BRCA2: variants seen among roughly 807,000 people sequenced by gnomAD.
The protein encoded by BRCA2 is BRCA2 DNA repair associated.
Under a neutral mutation model 276.7 loss-of-function variants are expected in BRCA2, and 203 were observed. That is an observed-to-expected ratio of 0.73 (90% CI 0.65 to 0.82). BRCA2 has a LOEUF of 0.82. Ranked by LOEUF, BRCA2 falls within the 40% of genes least tolerant of loss-of-function variation. The probability of loss-of-function intolerance (pLI) is 0.00; values close to 1 mark genes in which losing one functional copy is unlikely to be tolerated. For synonymous variants in BRCA2, 1,289 were observed against 1,338.4 expected (o/e 0.96, Z 0.81); for missense variants, 3,920 against 3,915.0 (o/e 1.00, Z -0.03).
chr13:32,398,761 A>G lies in BRCA2; in HGVS notation c.10248A>G (p.Lys3416=). ...AGCAGGACACAATTACAACTAAAAAATATATCTAAGCATTTGCAAAGGCGA... is the reference window on the plus strand; with the variant it reads ...AGCAGGACACAATTACAACTAAAAAGTATATCTAAGCATTTGCAAAGGCGA... ...KNKQDTITTK[K]YI Residue 3416 remains lysine, a synonymous_variant, in exon 27 of 27, where the codon AAA becomes AAG. Transcript: ENST00000380152. The G allele has an allele frequency of 6.2e-7, 1 of 1,613,952 alleles. No individual in the cohort carries two copies. The highest frequency in any genetic ancestry group is 8.5e-7 in the Non-Finnish European group (1 of 1,179,976).
rs1253220448 is a variant in BRCA2, at chr13:32,332,075, A to G, written c.794-197A>G. On this transcript the variant is annotated intron_variant, in intron 9 of 26. Coordinates refer to ENST00000380152, the MANE Select transcript of BRCA2 (RefSeq NM_000059.4). ...TAGGTTCATTGGAATCAGGGGAATC[A>G]GGCTTTACTAGAAGAACAGGAGAAG... Among the ~76,000 whole-genome samples the G allele has an allele frequency of 4.6e-5, 7 of 152,310 alleles. 1 individual carries two copies. The South Asian group carries it at 1.0e-3, about 23-fold the overall frequency.
At chr13:32,377,700 A>G (rs879573573) in intron 21 of BRCA2, among the ~76,000 whole-genome samples, 7 of 152,206 alleles carry the variant, frequency 4.6e-5, no homozygotes, top group Non-Finnish European at 1.0e-4. Context: ...ATTAGAACAT[A>G]ATTTTATATA....
chr13:32,390,029 A>G (rs2137643749), intron 24 of BRCA2, among the ~76,000 whole-genome samples: 1 of 152,288 alleles, frequency 6.6e-6, no homozygotes, highest in South Asian at 2.1e-4. Context: ...TTTAAATTTT[A>G]TATCATGATA....
intron 14 of BRCA2, among the ~76,000 whole-genome samples, 175 bp from the exon 15 acceptor site, chr13:32,356,253 A>G (rs952891373): frequency 1.7e-4 from 26 of 151,300 alleles, no homozygotes; most frequent in Admixed American, 6.6e-5. Context: ...TTTGTTTAGT[A>G]GAGACAGGGT....
intron 9 of BRCA2, among the ~76,000 whole-genome samples, 177 bp downstream of exon 9, chr13:32,331,207 C>T (rs1287223137): frequency 6.6e-6 from 1 of 151,978 alleles, no homozygotes; most frequent in Non-Finnish European, 1.5e-5. Context: ...AAGCATGCAC[C>T]ACCATGCCCA....
At chr13:32,325,604 G>A (rs1010944873) in intron 4 of BRCA2, among the ~76,000 whole-genome samples, 3 of 149,286 alleles carry the variant, frequency 2.0e-5, no homozygotes, top group Non-Finnish European at 3.0e-5. Context: ...GCAGTGGTGC[G>A]ATCTCAGCTC....
intron 18 of BRCA2, among the ~76,000 whole-genome samples, chr13:32,365,976 T>C (rs928542679): frequency 3.3e-5 from 5 of 151,620 alleles, no homozygotes; most frequent in Admixed American, 1.3e-4. Flanking sequence ...TGTCTTTTTT[T>C]ATTCTAACTT....
In BRCA2 at chr13:32,398,751, C is replaced by G. The variant is rs730881584; in HGVS notation, c.10238C>G (p.Thr3413Arg). 1 of 1,613,852 alleles carries G rather than the reference C, an allele frequency of 6.2e-7. No individual in the cohort carries two copies. The highest frequency in any genetic ancestry group is 8.5e-7 in the Non-Finnish European group (1 of 1,179,966). The change falls in exon 27 of 27, where the codon ACA becomes AGA. Residue 3413 changes from threonine to arginine, a missense_variant. Physicochemically the swap from Thr to Arg is moderately conservative, Grantham distance 71. Coordinates refer to ENST00000380152, the MANE Select transcript of BRCA2 (RefSeq NM_000059.4). ...GAGAAAAATAAGCAGGACACAATTA[C>G]AACTAAAAAATATATCTAAGCATTT... is the stretch of plus-strand genomic sequence containing the variant. Reference protein sequence around the residue: ...ECEKNKQDTITTKKYI With the variant: ...ECEKNKQDTIRTKKYI
chr13:32,326,661 T>C, intron 7 of BRCA2, 48 bp downstream of exon 7: 1 of 1,379,220 alleles, frequency 7.3e-7, no homozygotes, highest in Admixed American at 1.8e-5. Flanking sequence ...ATGAGGTTGA[T>C]AATTGTCATC....
At chr13:32,316,084 C>T (rs1013404414) in intron 1 of BRCA2, among the ~76,000 whole-genome samples, 1 of 152,224 alleles carries the variant, frequency 6.6e-6, no homozygotes, top group Admixed American at 6.5e-5. Context: ...ATTCCGAAGA[C>T]ATGCTGATGG....
Position 32,394,991 on chromosome 13 carries a change from A to G in BRCA2, c.9501+58A>G, listed in dbSNP as rs1174433079. Reference sequence around the variant, plus strand: ...TGGTATTTTTCTATTTTGACAGTCCAGTATCAAGGAAATAGCTTTTATACA... The same window carrying G: ...TGGTATTTTTCTATTTTGACAGTCCGGTATCAAGGAAATAGCTTTTATACA... On this transcript the variant is annotated intron_variant, in intron 25 of 26. Transcript: ENST00000380152. 4 of 1,602,964 alleles carry G rather than the reference A, an allele frequency of 2.5e-6. No individual in the cohort carries two copies. The Admixed American group carries it at 5.0e-5, about 20-fold the overall frequency.
chr13:32,380,665 C>T (rs1000452019), intron 24 of BRCA2, among the ~76,000 whole-genome samples: 6 of 151,640 alleles, frequency 4.0e-5, no homozygotes, highest in Non-Finnish European at 8.8e-5. Context: ...CTCAGCCTCC[C>T]GAGTAGCTGG....
chr13:32,363,029 G>A, intron 17 of BRCA2, 150 bp from the exon 18 acceptor site: 6 of 750,624 alleles, frequency 8.0e-6, no homozygotes, highest in Non-Finnish European at 1.3e-5. Context: ...TTAACAATAT[G>A]AAACAATATA....
At chr13:32,378,471 T>A (rs2137617289) in intron 21 of BRCA2, among the ~76,000 whole-genome samples, 1 of 152,340 alleles carries the variant, frequency 6.6e-6, no homozygotes, top group Middle Eastern at 3.4e-3. Context: ...CCTTTTGAAA[T>A]CAGGTTTTAC....
chr13:32,355,158 A>G lies in BRCA2; in HGVS notation c.7305A>G (p.Gln2435=). The change falls in exon 14 of 27, where the codon CAA becomes CAG. Residue 2435 remains glutamine, a synonymous_variant. Coordinates refer to ENST00000380152, the MANE Select transcript of BRCA2 (RefSeq NM_000059.4). ...ACTTGGAGGAAAACAGACAAAAGCAAAACATTGATGGACATGGCTCTGATG... is the reference window on the plus strand; with the variant it reads ...ACTTGGAGGAAAACAGACAAAAGCAGAACATTGATGGACATGGCTCTGATG... The part of the protein sequence containing the change: ...NINLEENRQK[Q]NIDGHGSDDS... 1 of 1,613,988 alleles carries G rather than the reference A, an allele frequency of 6.2e-7. No homozygotes were observed. The highest frequency in any genetic ancestry group is 8.5e-7 in the Non-Finnish European group (1 of 1,179,904).
At chr13:32,375,136 G>A (rs1231123994) in intron 20 of BRCA2, among the ~76,000 whole-genome samples, 1 of 152,188 alleles carries the variant, frequency 6.6e-6, no homozygotes, top group Non-Finnish European at 1.5e-5. Flanking sequence ...GGGAGAAACT[G>A]CCCCCGTGAT....
At chr13:32,386,063 C>G (rs1593196104) in intron 24 of BRCA2, 1 of 192,976 alleles carries the variant, frequency 5.2e-6, no homozygotes. Flanking sequence ...TGAGTGGGCC[C>G]TGAGACTGGC....
At chr13:32,355,988 G>A (rs1291948435) in intron 14 of BRCA2, among the ~76,000 whole-genome samples, 1 of 151,638 alleles carries the variant, frequency 6.6e-6, no homozygotes, top group Non-Finnish European at 1.5e-5. Flanking sequence ...TTAGAGAAAA[G>A]GAGAGCATGT....
In BRCA2 at chr13:32,398,397, A is replaced by C. The variant is rs1346315597; in HGVS notation, c.9884A>C (p.Gln3295Pro). The C allele has an allele frequency of 1.2e-6, 2 of 1,614,214 alleles. No individual in the cohort carries two copies. Among genetic ancestry groups the C allele is most frequent in the Admixed American group, 3.3e-5 (2 of 60,030 alleles). The change falls in exon 27 of 27, where the codon CAG becomes CCG. Residue 3295 changes from glutamine to proline, a missense_variant. Around this residue, in one of 2 missense-constraint regions of BRCA2, gnomAD observed 657 missense variants for 758.2 expected, o/e 0.87. Transcript: ENST00000380152. ...TGTACATTTGTTTCTCCGGCTGCAC[A>C]GAAGGCATTTCAGCCACCAAGGAGT... ...PICTFVSPAA[Q>P]KAFQPPRSCG...
Sources: allele counts gnomAD v4.1 joint callset (sites outside exome capture counted in the v4.1 genomes callset), GRCh38; gene constraint gnomAD v4.1.1; regional missense constraint gnomAD v4.1.1; transcripts MANE v1.5; gene names NCBI Gene and HGNC (gene_info 2026-07-23, HGNC 2026-07-21).